Variants in NRG2 observed in about 807,000 individuals in gnomAD.
NRG2 encodes the protein pro-neuregulin-2, membrane-bound isoform.
A neutral mutation model predicts 73.9 loss-of-function variants in NRG2; 27 were observed. The ratio of observed to expected loss-of-function variants is 0.37; its 90% CI spans 0.27 to 0.50. The LOEUF (loss-of-function observed/expected upper bound fraction) is 0.50. NRG2 is among the 20% of genes least tolerant of loss of function. The pLI is 0.96. For synonymous variants in NRG2, 532 were observed against 541.0 expected, an observed-to-expected ratio of 0.98 and a Z score of 0.23; for missense variants, 1,126 against 1,210.1, an observed-to-expected ratio of 0.93 and a Z score of 1.03.
intron 1 of NRG2, among the ~76,000 whole-genome samples, chr5:139,983,128 C>T (rs1580872240): frequency 6.6e-6 from 1 of 152,186 alleles, no homozygotes; most frequent in African/African-American, 2.4e-5. Context: ...TAGGATTCTC[C>T]TTGATTCTCA....
intron 1 of NRG2, among the ~76,000 whole-genome samples, chr5:139,974,696 C>T (rs983786596): frequency 2.0e-5 from 3 of 152,174 alleles, no homozygotes; most frequent in African/African-American, 7.2e-5. Context: ...CCCTATTTCT[C>T]TTCTCCCCGT....
Position 139,904,228 on chromosome 5 carries a change from C to A in NRG2, c.701-16717G>T. 1 of 1,481,528 alleles carries A rather than the reference C, an allele frequency of 6.7e-7. No individual in the cohort carries two copies. The highest frequency in any genetic ancestry group is 1.9e-5 in the Admixed American group (1 of 51,676). 91.8% of individuals were successfully genotyped at this position (1,481,528 alleles called of 1,614,324 possible). A position where few individuals can be genotyped will look rare whatever the true frequency, so the allele number is the denominator to read the frequency against. On this transcript the variant is annotated intron_variant, in intron 1 of 9. Coordinates refer to ENST00000361474, the MANE Select transcript of NRG2 (RefSeq NM_004883.3). This position sits in a 1 kb window ranked among gnomAD's most constrained non-coding sequence, Gnocchi z 6.0. ...CGCTAGCGCAGCCTAGACTCACCCG[C>A]GCTGCGCTGGGGGCGGGTGAGCGGG...
rs11396502 is a variant in NRG2 at position 139,870,229 on chromosome 5, C to CT, written c.1112+1491dup. The stretch of plus-strand genomic sequence containing the variant: ...TCTGTCATACTAACATGGCAGCCTC[C>CT]TAGAGGCAGGAGGCGGGGAAGGATG... On this transcript the variant is annotated intron_variant, in intron 4 of 9. Transcript: ENST00000361474. This position sits in a 1 kb window ranked among gnomAD's most constrained non-coding sequence, Gnocchi z 4.4. 0.061 allele frequency among the ~76,000 whole-genome samples: 9,349 copies of CT among 152,132 alleles called. 774 individuals are homozygous for CT. Among genetic ancestry groups the CT allele is most frequent in the African/African-American group, 0.18 (7,653 of 41,466 alleles).
chr5:139,906,863 A>G (rs1765266843), intron 1 of NRG2, among the ~76,000 whole-genome samples: 1 of 152,244 alleles, frequency 6.6e-6, no homozygotes, highest in Non-Finnish European at 1.5e-5. Context: ...AAGTATGAGT[A>G]GGAGTTGGCC....
At chr5:139,924,597 A>G (rs1366452673) in intron 1 of NRG2, among the ~76,000 whole-genome samples, 1 of 152,136 alleles carries the variant, frequency 6.6e-6, no homozygotes. Flanking sequence ...TTTCATCCTT[A>G]ATATCCGGAG....
At chr5:139,867,809 T>TGTATGA (rs1561639003) in intron 4 of NRG2, among the ~76,000 whole-genome samples, 1 of 136,368 alleles carries the variant, frequency 7.3e-6, no homozygotes, top group African/African-American at 2.6e-5. Context: ...TGAGTGTGTG[T>TGTATGA]GTGTGTGTGT....
rs1310701827 is a variant in NRG2 at position 139,985,339 on chromosome 5, C to CA, written c.700+57030dup. ...TGGGTGACAGAGCAAGACTCGGTCTCAAAAAAAAAAAAAAAAAGTATTTCA... is the reference window on the plus strand; with the variant it reads ...TGGGTGACAGAGCAAGACTCGGTCTCAAAAAAAAAAAAAAAAAAGTATTTCA... On this transcript the variant is annotated intron_variant, in intron 1 of 9. Transcript: ENST00000361474. Among the ~76,000 whole-genome samples the CA allele has an allele frequency of 5.1e-3, 420 of 82,208 alleles. 2 individuals carry two copies. The highest frequency in any genetic ancestry group is 0.012 in the African/African-American group (271 of 21,890). 53.9% of individuals were successfully genotyped at this position (82,208 alleles called of 152,430 possible).
At chr5:139,880,780 C>T in intron 3 of NRG2, 76 bp downstream of exon 3, 1 of 1,068,486 alleles carries the variant, frequency 9.4e-7, no homozygotes, top group Non-Finnish European at 1.4e-6. Flanking sequence ...CACATGCAGG[C>T]CCCAAGGGCT....
At chr5:140,006,677 T>C (rs1361191453) in intron 1 of NRG2, among the ~76,000 whole-genome samples, 3 of 152,210 alleles carry the variant, frequency 2.0e-5, no homozygotes, top group Non-Finnish European at 2.9e-5. Flanking sequence ...TGTGTGAGTA[T>C]GGTGGAAGAG....
intron 1 of NRG2, among the ~76,000 whole-genome samples, chr5:139,919,409 T>C (rs2126308815): frequency 6.6e-6 from 1 of 152,150 alleles, no homozygotes; most frequent in African/African-American, 2.4e-5. Flanking sequence ...GATGTTAGAG[T>C]GATCAAGCAT....
At chr5:139,962,815 G>A (rs1004224240) in intron 1 of NRG2, among the ~76,000 whole-genome samples, 2 of 152,206 alleles carry the variant, frequency 1.3e-5, no homozygotes, top group African/African-American at 4.8e-5. Flanking sequence ...CCTGGGCCTG[G>A]AGGGGTCCTC....
intron 1 of NRG2, among the ~76,000 whole-genome samples, chr5:139,937,315 C>G (rs1752920152): frequency 6.6e-6 from 1 of 152,062 alleles, no homozygotes; most frequent in South Asian, 2.1e-4. Flanking sequence ...AAAGGGGATT[C>G]CCTCGATCTG....
Position 139,848,279 on chromosome 5 carries a change from C to A in NRG2, c.2191G>T (p.Gly731Cys). ...PPPPPRPRAR[G>C]ASRRTSAGPR... ...CCCGCCGACGTCCTGCGGGACGCAC[C>A]GCGCGCGCGCGGCCGCGGCGGCGGC... Residue 731 changes from glycine (G) to cysteine (C), a missense_variant, in exon 10 of 10, where the codon GGT becomes TGT. By Grantham distance (159) the Gly-to-Cys change is radical (BLOSUM62 -3). Transcript: ENST00000361474. 3 of 1,059,110 alleles carry A rather than the reference C, an allele frequency of 2.8e-6. No homozygotes were observed. The highest frequency in any genetic ancestry group is 2.3e-6 in the Non-Finnish European group (2 of 871,496). 65.6% of individuals were successfully genotyped at this position (1,059,110 alleles called of 1,614,324 possible).
At chr5:140,005,154 G>A (rs1319714260) in intron 1 of NRG2, among the ~76,000 whole-genome samples, 34 of 151,994 alleles carry the variant, frequency 2.2e-4, no homozygotes. Flanking sequence ...AACTCCCTGG[G>A]GCCAAAAGCG....
Position 140,035,170 on chromosome 5 carries a change from A to C in NRG2, c.700+7200T>G, listed in dbSNP as rs182916548. Among the ~76,000 whole-genome samples the C allele has an allele frequency of 1.3e-5, 2 of 152,122 alleles. 1 individual carries two copies. The highest frequency in any genetic ancestry group is 1.3e-4 in the Admixed American group (2 of 15,292). ...ATTCCATAAACATCCCCCCTCTGCT[A>C]CTGAGAATGCTGCTCTTGCTGCATG... On this transcript the variant is annotated intron_variant, in intron 1 of 9. Coordinates refer to ENST00000361474, the MANE Select transcript of NRG2 (RefSeq NM_004883.3).
At position 139,852,872 on chromosome 5, in the gene NRG2, G is replaced by A; in HGVS notation, c.1416+32C>T. ...TGAGAAGGCTGGCTGTCCACTGAGG[G>A]CTCAGAAGGGGGCCCCAGGAAAGCC... is the stretch of plus-strand genomic sequence containing the variant. On this transcript the variant is annotated intron_variant, in intron 7 of 9. Coordinates refer to ENST00000361474, the MANE Select transcript of NRG2 (RefSeq NM_004883.3). This position sits in a 1 kb window ranked among gnomAD's most constrained non-coding sequence, Gnocchi z 4.4. The A allele has an allele frequency of 1.2e-6, 2 of 1,612,660 alleles. No homozygotes were observed. Among genetic ancestry groups the A allele is most frequent in the Non-Finnish European group, 1.7e-6 (2 of 1,179,688 alleles).
chr5:139,935,841 C>T (rs1752808158), intron 1 of NRG2, among the ~76,000 whole-genome samples: 1 of 151,760 alleles, frequency 6.6e-6, no homozygotes, highest in South Asian at 2.1e-4. Context: ...CACCTGTAAT[C>T]CCAGCTACTC....
intron 4 of NRG2, among the ~76,000 whole-genome samples, chr5:139,867,032 A>G (rs1009379657): frequency 4.6e-5 from 7 of 152,210 alleles, no homozygotes; most frequent in Non-Finnish European, 1.0e-4. Flanking sequence ...GTCCCCCTCA[A>G]TAATAGGCTA....
At chr5:139,906,161 C>T (rs1765210505) in intron 1 of NRG2, among the ~76,000 whole-genome samples, 1 of 152,166 alleles carries the variant, frequency 6.6e-6, no homozygotes, top group Non-Finnish European at 1.5e-5. Context: ...GCCTGCACCA[C>T]CATGCCCAGC....
Sources: allele counts gnomAD v4.1 joint callset (sites outside exome capture counted in the v4.1 genomes callset), GRCh38; gene constraint gnomAD v4.1.1; non-coding constraint Gnocchi (gnomAD v3.1); transcripts MANE v1.5; gene names NCBI Gene and HGNC (gene_info 2026-07-23, HGNC 2026-07-21).